Variants in RNF216 observed in about 807,000 individuals in gnomAD.
RNF216 encodes ring finger protein 216.
RNF216 carries 72 observed loss-of-function variants against 110.8 expected under a neutral mutation model. The observed-to-expected ratio is 0.65, with a 90% CI of 0.54 to 0.79. The LOEUF (loss-of-function observed/expected upper bound fraction) is 0.79. Ranked by LOEUF, RNF216 falls within the 30% of genes least tolerant of loss-of-function variation. The pLI is 0.00. For missense variants in RNF216, 1,342 were observed against 1,141.2 expected (o/e 1.18, Z -2.54); for synonymous variants, 495 against 407.5 (o/e 1.21, Z -2.59).
chr7:5,652,596 G>C lies in RNF216; in HGVS notation c.2062-86C>G, dbSNP rs916950904. ...GTTCAACAAAAGGGATATGAAATGA[G>C]CTTTACTTGGCTTGAATTCTTTCAG... is the stretch of plus-strand genomic sequence containing the variant. On this transcript the variant is annotated intron_variant, in intron 13 of 16. Coordinates refer to ENST00000389902, the MANE Select transcript of RNF216 (RefSeq NM_207111.4). 12 of 834,660 alleles carry C rather than the reference G, an allele frequency of 1.4e-5. No individual in the cohort carries two copies. In the African/African-American group the frequency reaches 2.0e-4, roughly 14 times the overall value. The allele number at this position is 834,660 out of a possible 1,614,324, so 51.7% of individuals were successfully genotyped here.
In RNF216 at chr7:5,622,182, A is replaced by C. The variant is rs2128553988; in HGVS notation, c.*678T>G. 1 of 152,420 alleles carries C rather than the reference A, an allele frequency of 6.6e-6. No homozygotes were observed. The highest frequency in any genetic ancestry group is 3.4e-3 in the Middle Eastern group (1 of 296). 9.4% of individuals were successfully genotyped at this position (152,420 alleles called of 1,614,324 possible). On this transcript the variant is annotated 3_prime_UTR_variant, in exon 17 of 17. Coordinates refer to ENST00000389902, the MANE Select transcript of RNF216 (RefSeq NM_207111.4). ...CCGCAGCGGCCTGGCCTGGGAAAGG[A>C]TTTCTCAGCCTGACTTTCCAGAGAC...
chr7:5,718,649 C>T (rs931984300), intron 9 of RNF216, among the ~76,000 whole-genome samples: 11 of 151,544 alleles, frequency 7.3e-5, no homozygotes, highest in African/African-American at 2.4e-4. Context: ...CTCCCATGTT[C>T]AAGCAATTCT....
rs151175170 is a variant in RNF216, at chr7:5,762,730, A to G, written c.-69-1592T>C. ...CAAACAAAAAAAAAATTAAAAATAC[A>G]GTATGCGTAAGAATGACCTCAGCAA... is the stretch of plus-strand genomic sequence containing the variant. On this transcript the variant is annotated intron_variant, in intron 1 of 16. Transcript: ENST00000389902. Among the ~76,000 whole-genome samples the G allele has an allele frequency of 9.2e-5, 14 of 152,182 alleles. No homozygotes were observed. The South Asian group carries it at 1.7e-3, about 18-fold the overall frequency.
chr7:5,737,417 C>G (rs1187588571), intron 5 of RNF216, among the ~76,000 whole-genome samples: 1 of 152,114 alleles, frequency 6.6e-6, no homozygotes, highest in Non-Finnish European at 1.5e-5. Context: ...CTAGGAAAAC[C>G]AGAGACCTTT....
intron 13 of RNF216, among the ~76,000 whole-genome samples, chr7:5,689,540 A>T (rs576519207): frequency 1.3e-5 from 2 of 152,160 alleles, no homozygotes; most frequent in African/African-American, 4.8e-5. Context: ...GCTTGTAGTC[A>T]AGTAGTTTTC....
chr7:5,739,992 G>T (rs1291406919), intron 4 of RNF216, among the ~76,000 whole-genome samples: 2 of 117,574 alleles, frequency 1.7e-5, no homozygotes, highest in African/African-American at 5.8e-5. Flanking sequence ...GACAGAGTGA[G>T]ACTCGGTCTC....
At chr7:5,706,837 AT>A (rs1792321481) in intron 13 of RNF216, among the ~76,000 whole-genome samples, 1 of 152,212 alleles carries the variant, frequency 6.6e-6, no homozygotes, top group Admixed American at 6.5e-5. Flanking sequence ...CCAGGAAATC[AT>A]TGCCAAGACT....
At position 5,624,017 on chromosome 7, in the gene RNF216, C is replaced by G. The variant is rs780534871; in HGVS notation, c.2452+39G>C. On this transcript the variant is annotated intron_variant, in intron 16 of 16. Coordinates refer to ENST00000389902, the MANE Select transcript of RNF216 (RefSeq NM_207111.4). The surrounding 1 kb of genome is among the most constrained non-coding windows in gnomAD (Gnocchi z 4.4). Reference sequence around the variant, plus strand: ...GCCAGCAGAAGCCTGCATGGCCTGGCTGCTGCTCTGTCCTGGGGGCCTGGG... The same window carrying G: ...GCCAGCAGAAGCCTGCATGGCCTGGGTGCTGCTCTGTCCTGGGGGCCTGGG... The G allele has an allele frequency of 6.9e-6, 11 of 1,584,072 alleles. No homozygotes were observed. The African/African-American group carries it at 1.3e-4, about 19-fold the overall frequency.
intron 13 of RNF216, among the ~76,000 whole-genome samples, chr7:5,675,901 G>T (rs2128600589): frequency 6.6e-6 from 1 of 152,006 alleles, no homozygotes; most frequent in East Asian, 1.9e-4. Flanking sequence ...TAGAGACGGG[G>T]TTTCTCTATG....
At position 5,781,643 on chromosome 7, in the gene RNF216, C is replaced by A. The variant is rs1039263385; in HGVS notation, c.-172G>T. ...GCTGCGAGCTCCGTGGCAGCCGCTGCACTCCTTCCGGCCCTGCCGCGGCGT... is the reference window on the plus strand; with the variant it reads ...GCTGCGAGCTCCGTGGCAGCCGCTGAACTCCTTCCGGCCCTGCCGCGGCGT... On this transcript the variant is annotated 5_prime_UTR_variant, in exon 1 of 17. Transcript: ENST00000389902. 2.0e-5 allele frequency: 3 copies of A among 152,358 alleles called. No individual in the cohort carries two copies. The highest frequency in any genetic ancestry group is 4.4e-5 in the Non-Finnish European group (3 of 68,134). The allele number at this position is 152,358 out of a possible 1,614,324, so 9.4% of individuals were successfully genotyped here.
chr7:5,744,561 GAAC>G (rs1320396318), intron 3 of RNF216, among the ~76,000 whole-genome samples: 2 of 152,084 alleles, frequency 1.3e-5, no homozygotes, highest in Non-Finnish European at 2.9e-5. Flanking sequence ...AGACAAAGTA[GAAC>G]AACAGTCTGT....
chr7:5,722,148 G>A (rs1445518807), intron 8 of RNF216, among the ~76,000 whole-genome samples: 1 of 152,108 alleles, frequency 6.6e-6, no homozygotes, highest in African/African-American at 2.4e-5. Context: ...TGGTCTTGAA[G>A]TCCTGGGCTA....
chr7:5,708,360 T>C (rs1407994340), intron 13 of RNF216, among the ~76,000 whole-genome samples: 1 of 152,220 alleles, frequency 6.6e-6, no homozygotes, highest in Non-Finnish European at 1.5e-5. Context: ...TGTGTTATTT[T>C]TCCCTTCGGC....
intron 13 of RNF216, among the ~76,000 whole-genome samples, chr7:5,660,740 G>A (rs1029195125): frequency 6.6e-6 from 1 of 151,738 alleles, no homozygotes; most frequent in African/African-American, 2.4e-5. Flanking sequence ...ACCATGCCTG[G>A]CTAATTTTTT....
chr7:5,739,525 C>A (rs768361536), intron 4 of RNF216, 173 bp from the exon 5 acceptor site: 5 of 706,172 alleles, frequency 7.1e-6, no homozygotes, highest in South Asian at 4.5e-5. Context: ...CATCTGTCTA[C>A]ATAGAAGATG....
intron 2 of RNF216, among the ~76,000 whole-genome samples, chr7:5,754,753 C>G (rs2128665685): frequency 6.6e-6 from 1 of 152,182 alleles, no homozygotes; most frequent in African/African-American, 2.4e-5. Context: ...TTAGGCTGGG[C>G]ACGGTGGCTC....
intron 8 of RNF216, 70 bp from the exon 9 acceptor site, chr7:5,721,242 A>C: frequency 7.2e-7 from 1 of 1,398,040 alleles, no homozygotes; most frequent in Non-Finnish European, 1.0e-6. Context: ...AGCCATGTCC[A>C]TTCTTCCCGG....
intron 4 of RNF216, among the ~76,000 whole-genome samples, chr7:5,740,630 G>A (rs1360383026): frequency 1.3e-5 from 2 of 152,144 alleles, no homozygotes; most frequent in South Asian, 2.1e-4. Flanking sequence ...ATATTGGACA[G>A]CATAGGTCTA....
At chr7:5,699,598 CT>C (rs1273852821) in intron 13 of RNF216, among the ~76,000 whole-genome samples, 1 of 152,242 alleles carries the variant, frequency 6.6e-6, no homozygotes, top group African/African-American at 2.4e-5. Context: ...CATCACGGCT[CT>C]GCATTACCAA....
Sources: gnomAD v4.1 joint callset for allele counts (sites outside exome capture counted in the v4.1 genomes callset) on GRCh38, gnomAD v4.1.1 for gene constraint, Gnocchi (gnomAD v3.1) non-coding constraint, MANE v1.5 for transcripts, NCBI Gene and HGNC (gene_info 2026-07-23, HGNC 2026-07-21) for gene names.